Variants in TMEM51 observed in about 807,000 individuals in gnomAD.
TMEM51 encodes the protein chromosome 1 open reading frame 72.
TMEM51 carries 8 observed loss-of-function variants against 13.6 expected under a neutral mutation model. The ratio of observed to expected loss-of-function variants is 0.59; its 90% CI spans 0.35 to 1.07. The LOEUF is 1.07. Ranked by LOEUF, TMEM51 falls within the 50% of genes least tolerant of loss-of-function variation. The probability of loss-of-function intolerance (pLI) is 0.02; values close to 1 mark genes in which losing one functional copy is unlikely to be tolerated. For missense variants in TMEM51, 279 were observed against 330.7 expected, an observed-to-expected ratio of 0.84 and a Z score of 1.21; for synonymous variants, 147 against 144.4, an observed-to-expected ratio of 1.02 and a Z score of -0.13.
At chr1:15,167,331 A>C (rs77800693) in intron 1 of TMEM51, among the ~76,000 whole-genome samples, 4,222 of 121,182 alleles carry the variant, frequency 0.035, 160 homozygotes, top group Non-Finnish European at 0.049. Context: ...CATCTCAAAA[A>C]AAAAAAAAAA....
chr1:15,201,366 T>C (rs1164060449), intron 1 of TMEM51, among the ~76,000 whole-genome samples: 1 of 150,974 alleles, frequency 6.6e-6, no homozygotes, highest in African/African-American at 2.4e-5. Context: ...TACATAAAAT[T>C]AATAAAGAAA....
rs1217816589 is a variant in TMEM51 at position 15,220,215 on chromosome 1, A to G, written c.*472A>G. On this transcript the variant is annotated 3_prime_UTR_variant, in exon 4 of 4. Coordinates refer to ENST00000376008, the MANE Select transcript of TMEM51 (RefSeq NM_001136218.2). ...AACACGACCTGGCTTTGTAGAAAGG[A>G]CACAGGGCTGTTTTATGAACTAAGC... 1 of 165,950 alleles carries G rather than the reference A, an allele frequency of 6.0e-6. No homozygotes were observed. Among genetic ancestry groups the G allele is most frequent in the Non-Finnish European group, 1.3e-5 (1 of 75,576 alleles). 10.3% of individuals were successfully genotyped at this position (165,950 alleles called of 1,614,324 possible).
At chr1:15,162,273 A>G (rs1054023540) in intron 1 of TMEM51, among the ~76,000 whole-genome samples, 7 of 151,930 alleles carry the variant, frequency 4.6e-5, no homozygotes, top group Admixed American at 4.6e-4. Flanking sequence ...TGCGATTCTC[A>G]TGCCTCAGCT....
intron 3 of TMEM51, 115 bp from the exon 4 acceptor site, chr1:15,219,211 C>T: frequency 1.8e-6 from 2 of 1,105,152 alleles, no homozygotes; most frequent in East Asian, 2.4e-5. Context: ...GCCTCTAAGA[C>T]CCATTTGTTA....
chr1:15,220,149 G>C lies in TMEM51; in HGVS notation c.*406G>C, dbSNP rs1197986901. ...TTGTTTCAAAAAGGAAACAAGTTTT[G>C]TGTTTGCTGTCTACGCTGGAGTCCT... On this transcript the variant is annotated 3_prime_UTR_variant, in exon 4 of 4. Coordinates refer to ENST00000376008, the MANE Select transcript of TMEM51 (RefSeq NM_001136218.2). 5.0e-6 allele frequency: 1 copy of C among 198,384 alleles called. No individual in the cohort carries two copies. Among genetic ancestry groups the C allele is most frequent in the Non-Finnish European group, 1.0e-5 (1 of 96,058 alleles). The allele number at this position is 198,384 out of a possible 1,614,324, so 12.3% of individuals were successfully genotyped here.
chr1:15,205,495 C>G (rs905510092), intron 1 of TMEM51, among the ~76,000 whole-genome samples: 2 of 152,188 alleles, frequency 1.3e-5, no homozygotes, highest in East Asian at 3.9e-4. Flanking sequence ...GAGCTGCATG[C>G]GTATCTTCCT....
At chr1:15,176,268 T>C (rs1206053800) in intron 1 of TMEM51, among the ~76,000 whole-genome samples, 1 of 151,926 alleles carries the variant, frequency 6.6e-6, no homozygotes, top group African/African-American at 2.4e-5. Context: ...CCCAGAAAAA[T>C]ATAAAAAGCC....
At position 15,211,719 on chromosome 1, in the gene TMEM51, A is replaced by G. The variant is rs979538814; in HGVS notation, c.-194+1157A>G. Among the ~76,000 whole-genome samples, 5 of 152,118 alleles carry G rather than the reference A, an allele frequency of 3.3e-5. 1 individual carries two copies. The highest frequency in any genetic ancestry group is 2.4e-5 in the African/African-American group (1 of 41,486). ...AGCTATGCTACCTTGCAGCAATACA[A>G]TCAGATTGTGAAAATTCAAAAGAGA... On this transcript the variant is annotated intron_variant, in intron 2 of 3. Transcript: ENST00000376008.
At chr1:15,186,701 G>C (rs796936482) in intron 1 of TMEM51, among the ~76,000 whole-genome samples, 55 of 152,288 alleles carry the variant, frequency 3.6e-4, no homozygotes, top group African/African-American at 1.3e-3. Flanking sequence ...TTATGAGCAG[G>C]GCTTTATCCT....
At chr1:15,157,485 C>T (rs1417755633) in intron 1 of TMEM51, among the ~76,000 whole-genome samples, 1 of 152,164 alleles carries the variant, frequency 6.6e-6, no homozygotes, top group African/African-American at 2.4e-5. Context: ...AGGACCAGAA[C>T]CCGAGGTTCC....
chr1:15,205,834 C>T (rs545332860), intron 1 of TMEM51, among the ~76,000 whole-genome samples: 1 of 152,278 alleles, frequency 6.6e-6, no homozygotes, highest in East Asian at 1.9e-4. Context: ...CGCCTGTCTT[C>T]CTGCTGGATT....
intron 1 of TMEM51, among the ~76,000 whole-genome samples, chr1:15,158,165 G>A (rs1642650359): frequency 6.6e-6 from 1 of 152,180 alleles, no homozygotes; most frequent in Non-Finnish European, 1.5e-5. Context: ...ACTTCACGCA[G>A]GATCTAACCT....
At chr1:15,205,101 T>G (rs55998406) in intron 1 of TMEM51, among the ~76,000 whole-genome samples, 1,910 of 152,244 alleles carry the variant, frequency 0.013, 15 homozygotes, top group Non-Finnish European at 0.018. Context: ...GCCTTCTAAA[T>G]AAGGCTGGAC....
At chr1:15,160,421 A>G (rs578089162) in intron 1 of TMEM51, among the ~76,000 whole-genome samples, 5 of 152,160 alleles carry the variant, frequency 3.3e-5, no homozygotes, top group African/African-American at 1.2e-4. Context: ...TTACAGGTGC[A>G]TGCCACCACG....
intron 2 of TMEM51, among the ~76,000 whole-genome samples, chr1:15,212,535 G>A (rs979989199): frequency 6.6e-6 from 1 of 152,186 alleles, no homozygotes; most frequent in Non-Finnish European, 1.5e-5. Context: ...TCAGAACGTG[G>A]TATTTTCATC....
intron 1 of TMEM51, among the ~76,000 whole-genome samples, chr1:15,209,624 A>G (rs1644304831): frequency 6.6e-6 from 1 of 152,188 alleles, no homozygotes; most frequent in Non-Finnish European, 1.5e-5. Flanking sequence ...TGCGTACGTA[A>G]TACTCCACAG....
rs138120892 is a variant in TMEM51, at chr1:15,192,568, C to T, written c.-266-17922C>T. ...CTCCCGGGTTCAAGCAATTATCTGCCTCAGCCTCCCGAGTAGCTGGAATTA... is the reference window on the plus strand; with the variant it reads ...CTCCCGGGTTCAAGCAATTATCTGCTTCAGCCTCCCGAGTAGCTGGAATTA... On this transcript the variant is annotated intron_variant, in intron 1 of 3. Transcript: ENST00000376008. 326 of 187,600 alleles carry T rather than the reference C, an allele frequency of 1.7e-3. 2 individuals carry two copies. The highest frequency in any genetic ancestry group is 7.5e-3 in the African/African-American group (312 of 41,642). 11.6% of individuals were successfully genotyped at this position (187,600 alleles called of 1,614,324 possible). A position where few individuals can be genotyped will look rare whatever the true frequency, so the allele number is the denominator to read the frequency against.
intron 1 of TMEM51, among the ~76,000 whole-genome samples, chr1:15,178,969 CCAGA>C (rs1276258023): frequency 6.6e-5 from 10 of 152,162 alleles, no homozygotes; most frequent in Non-Finnish European, 1.3e-4. Context: ...AACAAACCAC[CCAGA>C]ATCGGTTCAA....
chr1:15,200,456 A>G (rs1644134484), intron 1 of TMEM51, among the ~76,000 whole-genome samples: 1 of 150,642 alleles, frequency 6.6e-6, no homozygotes, highest in African/African-American at 2.4e-5. Context: ...ACAGAGACAC[A>G]CACGGAGGGA....
Sources: allele counts gnomAD v4.1 joint callset (sites outside exome capture counted in the v4.1 genomes callset), GRCh38; gene constraint gnomAD v4.1.1; transcripts MANE v1.5; gene names NCBI Gene and HGNC (gene_info 2026-07-23, HGNC 2026-07-21).